POLR2F: variants seen among roughly 807,000 people sequenced by gnomAD.
POLR2F encodes the protein DNA-directed RNA polymerases I, II, and III subunit RPABC2.
In POLR2F, 12 loss-of-function variants were observed where a neutral mutation model predicts 22.7. The ratio of observed to expected loss-of-function variants is 0.53; its 90% CI spans 0.34 to 0.86. POLR2F has a LOEUF of 0.86. Ranked by LOEUF, POLR2F falls within the 40% of genes least tolerant of loss-of-function variation. The pLI, the probability that POLR2F is intolerant of heterozygous loss-of-function variation, is 0.02. For synonymous variants in POLR2F, 57 were observed against 66.0 expected (o/e 0.86, Z 0.66); for missense variants, 126 against 171.5 (o/e 0.73, Z 1.48).
chr22:37,986,006 T>A, upstream of POLR2F: 2 of 1,196,176 alleles, frequency 1.7e-6, no homozygotes, highest in Non-Finnish European at 2.2e-6. The surrounding 1 kb of genome is among the most constrained non-coding windows in gnomAD (Gnocchi z 4.7). Flanking sequence ...CCCCCGGCGC[T>A]GCCAACCCTC....
chr22:37,998,307 G>A (rs368615963), intron 1 of POLR2F, among the ~76,000 whole-genome samples: 1 of 152,238 alleles, frequency 6.6e-6, no homozygotes, highest in African/African-American at 2.4e-5. Flanking sequence ...CCTCCAGTCC[G>A]TGTTAACTCC....
chr22:37,975,870 C>T (rs539263151), intron 4 of POLR2F, among the ~76,000 whole-genome samples: 10 of 152,122 alleles, frequency 6.6e-5, no homozygotes, highest in Admixed American at 1.3e-4. Flanking sequence ...ATGGGATAGA[C>T]GGCCATGCCA....
At chr22:38,029,237 T>C (rs1322365555), downstream of POLR2F, among the ~76,000 whole-genome samples, 3 of 152,154 alleles carry the variant, frequency 2.0e-5, no homozygotes, top group Admixed American at 6.5e-5. Context: ...AGATGCAGAA[T>C]GTCTTTGGAA....
At chr22:38,041,245 G>A (rs369706772), downstream of POLR2F, 76 of 1,336,060 alleles carry the variant, frequency 5.7e-5, 1 homozygote, top group African/African-American at 7.9e-4. Flanking sequence ...ACCAGATGGC[G>A]GGGGCAGGCA....
chr22:37,966,954 C>T, intron 3 of POLR2F, 145 bp from the exon 4 acceptor site: 1 of 607,984 alleles, frequency 1.6e-6, no homozygotes, highest in East Asian at 2.9e-5. Context: ...CTGGCAGTGC[C>T]CCTACACACC....
chr22:38,001,785 G>C (rs1220472679), intron 1 of POLR2F, among the ~76,000 whole-genome samples: 1 of 151,284 alleles, frequency 6.6e-6, no homozygotes, highest in Non-Finnish European at 1.5e-5. Context: ...TGCCCGCTTA[G>C]GCCTTTCCAA....
At chr22:37,957,925 C>G (rs139865) in intron 2 of POLR2F, among the ~76,000 whole-genome samples, 94,107 of 152,088 alleles carry the variant, frequency 0.62, 29,244 homozygotes, top group East Asian at 0.76. Context: ...TGCCACTGCC[C>G]CCTGCAGAAT....
chr22:38,034,255 G>T, intron 5 of POLR2F: 1 of 167,876 alleles, frequency 6.0e-6, no homozygotes. Context: ...GCTGCACTGG[G>T]CTCTCACTGG....
chr22:38,033,539 C>A (rs1420926231), intron 5 of POLR2F, among the ~76,000 whole-genome samples: 2 of 152,236 alleles, frequency 1.3e-5, no homozygotes, highest in East Asian at 3.9e-4. Context: ...ATCACCAGTG[C>A]CCACAGAGCC....
At chr22:38,014,822 T>A (rs1418461568) in intron 1 of POLR2F, among the ~76,000 whole-genome samples, 4 of 147,778 alleles carry the variant, frequency 2.7e-5, no homozygotes, top group Non-Finnish European at 4.5e-5. Context: ...TTTTTTTTTT[T>A]TTTGAGATGG....
At chr22:37,994,042 A>G (rs2084687448) in intron 1 of POLR2F, among the ~76,000 whole-genome samples, 1 of 152,034 alleles carries the variant, frequency 6.6e-6, no homozygotes, top group South Asian at 2.1e-4. Flanking sequence ...CAAAAACAAG[A>G]CCTAGTAGTT....
chr22:38,035,881 C>T (rs1447633256), intron 5 of POLR2F, among the ~76,000 whole-genome samples: 1 of 152,192 alleles, frequency 6.6e-6, no homozygotes, highest in Non-Finnish European at 1.5e-5. Context: ...ACCCACAAAG[C>T]TCCAGGGTGG....
chr22:37,962,099 C>T (rs766756449), intron 3 of POLR2F, among the ~76,000 whole-genome samples: 9 of 152,050 alleles, frequency 5.9e-5, no homozygotes, highest in South Asian at 2.1e-4. Flanking sequence ...AGTGTGGTGG[C>T]GTGCGCCTGT....
chr22:38,025,355 C>A (rs1012243110), intron 1 of POLR2F, among the ~76,000 whole-genome samples: 6 of 152,058 alleles, frequency 3.9e-5, no homozygotes, highest in Non-Finnish European at 5.9e-5. Flanking sequence ...ACAATCACAA[C>A]GTACACACAC....
Position 37,967,605 on chromosome 22 carries a change from T to G in POLR2F, c.294-20T>G. 4.3e-6 allele frequency: 7 copies of G among 1,613,152 alleles called. No individual in the cohort carries two copies. Among genetic ancestry groups the G allele is most frequent in the Non-Finnish European group, 5.9e-6 (7 of 1,179,488 alleles). On this transcript the variant is annotated intron_variant, in intron 4 of 4. Transcript: ENST00000442738. ...GGGGTCACCAGCCCTCATGTACTTG[T>G]GACTTCTCCCCTGCCACAGGGCCCG...
chr22:37,973,451 TG>T (rs1932119044), downstream of POLR2F: 2 of 1,311,932 alleles, frequency 1.5e-6, no homozygotes, highest in Non-Finnish European at 1.1e-6. Context: ...GCACACAGGC[TG>T]GGGGCAGGGG....
At chr22:37,986,100 G>C, upstream of POLR2F, 1 of 1,464,812 alleles carries the variant, frequency 6.8e-7, no homozygotes, top group Non-Finnish European at 9.0e-7. The surrounding 1 kb of genome is among the most constrained non-coding windows in gnomAD (Gnocchi z 4.7). Flanking sequence ...TCGAAATACA[G>C]GTGAACGGCA....
intron 4 of POLR2F, chr22:37,977,769 A>G (rs1932266075): frequency 1.5e-6 from 2 of 1,339,668 alleles, no homozygotes; most frequent in East Asian, 4.6e-5. Context: ...ACAGCCTGGC[A>G]CGCTCTCCCT....
chr22:37,981,146 G>T (rs1291042758), intron 4 of POLR2F, among the ~76,000 whole-genome samples: 2 of 152,204 alleles, frequency 1.3e-5, no homozygotes, highest in Non-Finnish European at 2.9e-5. Context: ...CACACAGTCT[G>T]TGTGTATCTT....
Sources: gnomAD v4.1 joint callset for allele counts (sites outside exome capture counted in the v4.1 genomes callset) on GRCh38, gnomAD v4.1.1 for gene constraint, Gnocchi (gnomAD v3.1) non-coding constraint, MANE v1.5 for transcripts, NCBI Gene and HGNC (gene_info 2026-07-23, HGNC 2026-07-21) for gene names.